Variants in TMEM204 observed in about 807,000 individuals in gnomAD.
TMEM204 encodes transmembrane protein 204.
Under a neutral mutation model 19.4 loss-of-function variants are expected in TMEM204, and 15 were observed. That is an observed-to-expected ratio of 0.77 (90% confidence interval 0.52 to 1.19). The LOEUF (loss-of-function observed/expected upper bound fraction) is 1.19. Ranked by LOEUF, TMEM204 falls within the 50% of genes most tolerant of loss-of-function variation. The pLI, the probability that TMEM204 is intolerant of heterozygous loss-of-function variation, is 0.00. For synonymous variants in TMEM204, 161 were observed against 146.0 expected (o/e 1.10, Z -0.74); for missense variants, 287 against 321.2 (o/e 0.89, Z 0.81).
At chr16:1,538,089 G>A (rs889120530) in intron 1 of TMEM204, among the ~76,000 whole-genome samples, 2 of 152,210 alleles carry the variant, frequency 1.3e-5, no homozygotes, top group Non-Finnish European at 2.9e-5. Flanking sequence ...CCCAAGCAGT[G>A]AACGCCAGCT....
At chr16:1,547,387 CA>C (rs2032262784) in intron 2 of TMEM204, among the ~76,000 whole-genome samples, 5 of 152,224 alleles carry the variant, frequency 3.3e-5, no homozygotes, top group Admixed American at 3.3e-4. Context: ...CTGACTTTAT[CA>C]GTCCTTAAAT....
chr16:1,541,265 G>A (rs770614623), intron 1 of TMEM204: 91 of 985,308 alleles, frequency 9.2e-5, no homozygotes, highest in Middle Eastern at 1.0e-3. Flanking sequence ...ATGGGGTGAC[G>A]GGGCCCCAGG....
At position 1,534,188 on chromosome 16, in the gene TMEM204, A is replaced by G. The variant is rs2030809428; in HGVS notation, c.-88A>G. The G allele has an allele frequency of 6.5e-7, 1 of 1,539,008 alleles. No homozygotes were observed. The highest frequency in any genetic ancestry group is 2.3e-5 in the East Asian group (1 of 44,158). On this transcript the variant is annotated 5_prime_UTR_variant, in exon 1 of 3. Coordinates refer to ENST00000566264, the MANE Select transcript of TMEM204 (RefSeq NM_024600.6). ...GGATGAGTGGTGATGTCCTCTAGCC[A>G]CCCCTAGCAGCGTCGGCTCTCCCTG...
intron 2 of TMEM204, among the ~76,000 whole-genome samples, chr16:1,544,291 C>G (rs2141316205): frequency 6.6e-6 from 1 of 151,854 alleles, no homozygotes; most frequent in African/African-American, 2.4e-5. Flanking sequence ...TCACGCCATT[C>G]TCCTGCCTCA....
At chr16:1,554,178 C>T in intron 2 of TMEM204, 1 of 1,255,664 alleles carries the variant, frequency 8.0e-7, no homozygotes, top group Non-Finnish European at 1.0e-6. Flanking sequence ...GGCCCCATCT[C>T]CGCCCTGCCT....
chr16:1,542,222 T>A, intron 2 of TMEM204, 146 bp downstream of exon 2: 1 of 860,966 alleles, frequency 1.2e-6, no homozygotes, highest in African/African-American at 1.8e-5. Context: ...AGAAGCCCCA[T>A]GGGGCATCCT....
In TMEM204 at chr16:1,554,855, C is replaced by G; in HGVS notation, c.510C>G (p.Tyr170Ter). The change falls in exon 3 of 3, where the codon TAC becomes TAG. Residue 170 changes from tyrosine to a stop codon, truncating the protein, a stop_gained. Coordinates refer to ENST00000566264, the MANE Select transcript of TMEM204 (RefSeq NM_024600.6). LOFTEE classifies it high-confidence loss of function. The stretch of plus-strand genomic sequence containing the variant: ...ACACCAACCTGTCCTGGTCCTGCTA[C>G]CTGAACATTGGCGCCTGCCTTCTGG... Reference protein sequence around the residue: ...GPYTNLSWSCYLNIGACLLAT... With the variant: ...GPYTNLSWSC 6.2e-7 allele frequency: 1 copy of G among 1,614,220 alleles called. No individual in the cohort carries two copies.
chr16:1,542,139 G>GGGGCA, intron 2 of TMEM204, 63 bp downstream of exon 2: 3 of 1,464,876 alleles, frequency 2.0e-6, no homozygotes, highest in Non-Finnish European at 2.7e-6. Flanking sequence ...GGTGCCACAG[G>GGGGCA]AGGGTCCTGA....
chr16:1,538,001 T>C (rs1232996395), intron 1 of TMEM204, among the ~76,000 whole-genome samples: 2 of 152,066 alleles, frequency 1.3e-5, no homozygotes, highest in African/African-American at 4.8e-5. Flanking sequence ...CCTTTAAAAG[T>C]CAGCTGCTAC....
chr16:1,534,434 C>G lies in TMEM204; in HGVS notation c.159C>G (p.Asp53Glu). 1.2e-6 allele frequency: 2 copies of G among 1,612,016 alleles called. No individual in the cohort carries two copies. Among genetic ancestry groups the G allele is most frequent in the Non-Finnish European group, 1.7e-6 (2 of 1,179,704 alleles). Residue 53 changes from aspartate (D) to glutamate (E), a missense_variant, in exon 1 of 3, where the codon GAC (aspartate) becomes GAG (glutamate). Asp to Glu is a conservative substitution (Grantham distance 45, BLOSUM62 2). Transcript: ENST00000566264. ...TGTGGAGGTCCTGCTGGCTGGTGGA[C>G]AGGACCCGGGGAGGGCCGAGCCCTG... ...VGLWRSCWLVDRTRGGPSPGA... is the reference protein window; with the variant it reads ...VGLWRSCWLVERTRGGPSPGA...
rs763219370 is a variant in TMEM204, at chr16:1,534,251, A to C, written c.-25A>C. The C allele has an allele frequency of 1.2e-6, 2 of 1,607,164 alleles. No homozygotes were observed. Among genetic ancestry groups the C allele is most frequent in the Admixed American group, 1.7e-5 (1 of 59,044 alleles). ...CGGACTGGGACTTGGCTTTCTCCGG[A>C]TAAGCGGCGGCACCGGCGTCAGCGA... is the stretch of plus-strand genomic sequence containing the variant. On this transcript the variant is annotated 5_prime_UTR_variant, in exon 1 of 3. Coordinates refer to ENST00000566264, the MANE Select transcript of TMEM204 (RefSeq NM_024600.6).
In TMEM204 at chr16:1,534,105, C is replaced by A; in HGVS notation, c.-171C>A. 5.2e-6 allele frequency: 4 copies of A among 772,120 alleles called. No individual in the cohort carries two copies. Among genetic ancestry groups the A allele is most frequent in the Non-Finnish European group, 7.9e-6 (4 of 507,250 alleles). 47.8% of individuals were successfully genotyped at this position (772,120 alleles called of 1,614,324 possible). ...CCAGGTGCAGGAAGGAGGATAAGGC[C>A]GGGCCGAGAGGCGGCACACCTGGAC... is the stretch of plus-strand genomic sequence containing the variant. On this transcript the variant is annotated 5_prime_UTR_variant, in exon 1 of 3. Coordinates refer to ENST00000566264, the MANE Select transcript of TMEM204 (RefSeq NM_024600.6).
chr16:1,546,554 TA>T (rs1165188765), intron 2 of TMEM204, among the ~76,000 whole-genome samples: 8 of 152,148 alleles, frequency 5.3e-5, no homozygotes, highest in Non-Finnish European at 1.2e-4. Flanking sequence ...CCCTGCTGGG[TA>T]ACATGCATGC....
Position 1,553,872 on chromosome 16 carries a change from C to G in TMEM204, c.437-910C>G. 8.0e-7 allele frequency: 1 copy of G among 1,251,712 alleles called. No individual in the cohort carries two copies. The allele number at this position is 1,251,712 out of a possible 1,614,324, so 77.5% of individuals were successfully genotyped here. ...GTCCTGTTATCCTAGTTGGTAGACT[C>G]TAGTCACGAAACCCTGATTTTCCTG... On this transcript the variant is annotated intron_variant, in intron 2 of 2. Transcript: ENST00000566264. This position sits in a 1 kb window ranked among gnomAD's most constrained non-coding sequence, Gnocchi z 4.4.
chr16:1,546,312 A>C (rs1245753802), intron 2 of TMEM204, among the ~76,000 whole-genome samples: 2 of 152,192 alleles, frequency 1.3e-5, no homozygotes, highest in African/African-American at 2.4e-5. Context: ...CCGGTGCCTG[A>C]GGATGCTCCG....
At chr16:1,536,120 C>T (rs1469294820) in intron 1 of TMEM204, among the ~76,000 whole-genome samples, 3 of 152,352 alleles carry the variant, frequency 2.0e-5, no homozygotes, top group Admixed American at 6.5e-5. Flanking sequence ...CCCAGCCGGC[C>T]CTTGGCCGCA....
Position 1,534,375 on chromosome 16 carries a change from ACGCTGGAGGATGGGCGCAGG to A in TMEM204, c.104_123del (p.Leu35GlnfsTer31). 1 of 1,612,862 alleles carries A rather than the reference ACGCTGGAGGATGGGCGCAGG, an allele frequency of 6.2e-7. No individual in the cohort carries two copies. Among genetic ancestry groups the A allele is most frequent in the Non-Finnish European group, 8.5e-7 (1 of 1,179,886 alleles). On this transcript the variant is annotated frameshift_variant, in exon 1 of 3. Coordinates refer to ENST00000566264, the MANE Select transcript of TMEM204 (RefSeq NM_024600.6). LOFTEE classifies it high-confidence loss of function. ...CTTCACCTCCAACTGGGTGTGCCAG[ACGCTGGAGGATGGGCGCAGG>A]CGCAGCGTGGGGCTGTGGAGGTCCT...
intron 2 of TMEM204, among the ~76,000 whole-genome samples, chr16:1,543,497 G>A (rs2141306183): frequency 6.6e-6 from 1 of 152,370 alleles, no homozygotes; most frequent in Non-Finnish European, 1.5e-5. Context: ...CGAGGCTTCA[G>A]TGGAAGAGCA....
At chr16:1,541,521 G>A in intron 1 of TMEM204, 1 of 984,912 alleles carries the variant, frequency 1.0e-6, no homozygotes, top group Middle Eastern at 5.2e-4. Flanking sequence ...CTTGGATGCT[G>A]TGAATTCAGT....
Sources: gnomAD v4.1 joint callset for allele counts (sites outside exome capture counted in the v4.1 genomes callset) on GRCh38, gnomAD v4.1.1 for gene constraint, Gnocchi (gnomAD v3.1) non-coding constraint, MANE v1.5 for transcripts, NCBI Gene and HGNC (gene_info 2026-07-23, HGNC 2026-07-21) for gene names.